The following CPM variants were observed in gnomAD, a reference collection of about 807,000 sequenced individuals.
The protein encoded by CPM is renal carboxypeptidase.
In CPM, 35 loss-of-function variants were observed where a neutral mutation model predicts 46.4. The observed-to-expected ratio is 0.75, with a 90% confidence interval of 0.58 to 1.00. The LOEUF is 1.00. Ranked by LOEUF, CPM falls within the 50% of genes least tolerant of loss-of-function variation. The pLI is 0.00. For missense variants in CPM, 422 were observed against 530.4 expected, an observed-to-expected ratio of 0.80 and a Z score of 2.01; for synonymous variants, 195 against 195.3, an observed-to-expected ratio of 1.00 and a Z score of 0.01.
At chr12:68,895,738 G>A (rs954960365) in intron 2 of CPM, among the ~76,000 whole-genome samples, 1 of 152,162 alleles carries the variant, frequency 6.6e-6, no homozygotes, top group Non-Finnish European at 1.5e-5. Context: ...CCAGCACTTT[G>A]GGAGGCCGAG....
chr12:68,935,622 G>C (rs1888661732), upstream of CPM, among the ~76,000 whole-genome samples: 1 of 151,098 alleles, frequency 6.6e-6, no homozygotes, highest in Non-Finnish European at 1.5e-5. Flanking sequence ...TGACATTGTA[G>C]AGTCTTTGAG....
chr12:68,909,374 A>AT (rs373555543), intron 2 of CPM, among the ~76,000 whole-genome samples: 2,492 of 150,668 alleles, frequency 0.017, 43 homozygotes, highest in African/African-American at 0.041. Flanking sequence ...TAAAATGGAG[A>AT]TTTTTTTTTT....
Position 68,925,727 on chromosome 12 carries a change from G to C in CPM, c.160+6951C>G, listed in dbSNP as rs117105516. ...TTAATTTTCTTTTTGGTGCTTTGTT[G>C]TATGATCCAAATTTTCTAAATGAAC... On this transcript the variant is annotated intron_variant, in intron 2 of 8. Transcript: ENST00000551568. Among the ~76,000 whole-genome samples the C allele has an allele frequency of 6.4e-3, 967 of 152,152 alleles. 11 individuals carry two copies. Among genetic ancestry groups the C allele is most frequent in the South Asian group, 0.037 (179 of 4,824 alleles).
chr12:68,877,656 TTTAA>T (rs1221812733), intron 3 of CPM, among the ~76,000 whole-genome samples: 4 of 152,162 alleles, frequency 2.6e-5, no homozygotes, highest in African/African-American at 7.2e-5. Flanking sequence ...AAAGAAAGAA[TTTAA>T]TTATTCAAAC....
intron 3 of CPM, among the ~76,000 whole-genome samples, chr12:68,876,625 CG>C (rs950666802): frequency 2.1e-4 from 32 of 152,236 alleles, no homozygotes; most frequent in African/African-American, 7.7e-4. Context: ...CATGAAGAAA[CG>C]GGGGCCTGAT....
At chr12:68,925,422 G>A (rs1888218907) in intron 2 of CPM, among the ~76,000 whole-genome samples, 1 of 152,190 alleles carries the variant, frequency 6.6e-6, no homozygotes, top group South Asian at 2.1e-4. Flanking sequence ...TCCAAAGCCT[G>A]TGCTCAGATT....
chr12:68,942,893 A>G (rs1353992782), intron 1 of CPM, among the ~76,000 whole-genome samples: 1 of 152,208 alleles, frequency 6.6e-6, no homozygotes, highest in African/African-American at 2.4e-5. Context: ...ACACTCCAGT[A>G]TGCCCTAACA....
chr12:68,871,950 C>G lies in CPM; in HGVS notation c.265G>C (p.Gly89Arg). 6.2e-7 allele frequency: 1 copy of G among 1,614,000 alleles called. No individual in the cohort carries two copies. The highest frequency in any genetic ancestry group is 1.1e-5 in the South Asian group (1 of 91,066). The change falls in exon 4 of 9, where the codon GGG (glycine) becomes CGG (arginine). Residue 89 changes from glycine to arginine, a missense_variant. Coordinates refer to ENST00000551568, the MANE Select transcript of CPM (RefSeq NM_198320.5). Reference protein sequence around the residue: ...VANMHGDETVGRELLLHLIDY... With the variant: ...VANMHGDETVRRELLLHLIDY... Reference sequence around the variant, plus strand: ...ATCAGATGGAGCAGCAGCTCCCGCCCAACAGTCTATATGTGTTAAAGAGAA... The same window carrying G: ...ATCAGATGGAGCAGCAGCTCCCGCCGAACAGTCTATATGTGTTAAAGAGAA...
chr12:68,902,027 C>T (rs1203668473), intron 2 of CPM, among the ~76,000 whole-genome samples: 1 of 152,144 alleles, frequency 6.6e-6, no homozygotes, highest in Non-Finnish European at 1.5e-5. Context: ...ACCTTTGTTG[C>T]TTTAAGAATC....
chr12:68,885,324 G>A (rs1202072392), intron 3 of CPM, among the ~76,000 whole-genome samples: 3 of 152,204 alleles, frequency 2.0e-5, no homozygotes, highest in African/African-American at 7.2e-5. Flanking sequence ...ATGAGTGTTA[G>A]ATTTAAGAGA....
intron 1 of CPM, among the ~76,000 whole-genome samples, chr12:68,942,138 G>GT (rs1888775328): frequency 6.6e-6 from 1 of 152,082 alleles, no homozygotes; most frequent in African/African-American, 2.4e-5. Context: ...AGTAGACTTT[G>GT]TTTTTTAGAA....
intron 2 of CPM, among the ~76,000 whole-genome samples, chr12:68,914,787 G>A (rs1274764248): frequency 6.6e-6 from 1 of 152,116 alleles, no homozygotes; most frequent in African/African-American, 2.4e-5. Context: ...CTAGAGACCA[G>A]GCTCTAGAGA....
At position 68,867,023 on chromosome 12, in the gene CPM, G is replaced by T; in HGVS notation, c.813C>A (p.Ile271=). The T allele has an allele frequency of 6.2e-7, 1 of 1,614,116 alleles. No individual in the cohort carries two copies. The highest frequency in any genetic ancestry group is 8.5e-7 in the Non-Finnish European group (1 of 1,180,020). ...ACGTAATTTCAAAACACTGGGCCCA[G>T]ATGTAGTTGTAATCTTGCATTCCAC... ...LQGGMQDYNY[I]WAQCFEITLE... Residue 271 remains isoleucine, a synonymous_variant, in exon 7 of 9, where the codon ATC becomes ATA. Coordinates refer to ENST00000551568, the MANE Select transcript of CPM (RefSeq NM_198320.5).
upstream of CPM, among the ~76,000 whole-genome samples, chr12:68,935,098 C>T (rs1420711524): frequency 2.6e-5 from 4 of 152,000 alleles, no homozygotes; most frequent in African/African-American, 7.2e-5. Context: ...TTAGTAGAGA[C>T]GGGGTTTCAC....
chr12:68,935,951 G>C (rs1238284183), upstream of CPM, among the ~76,000 whole-genome samples: 1 of 152,178 alleles, frequency 6.6e-6, no homozygotes, highest in Non-Finnish European at 1.5e-5. Flanking sequence ...TACTGGAATG[G>C]AGATTGCCAG....
intron 3 of CPM, among the ~76,000 whole-genome samples, chr12:68,876,081 C>T (rs1885939589): frequency 6.6e-6 from 1 of 151,926 alleles, no homozygotes; most frequent in African/African-American, 2.4e-5. Flanking sequence ...ATTTTTATTT[C>T]CTCTTATTCT....
intron 2 of CPM, among the ~76,000 whole-genome samples, chr12:68,916,672 C>T (rs1043022136): frequency 1.3e-5 from 2 of 152,018 alleles, no homozygotes; most frequent in Non-Finnish European, 2.9e-5. Context: ...AGGCAGATCA[C>T]AAGGTCAGGA....
chr12:68,856,133 A>G lies in CPM; in HGVS notation c.*304T>C, dbSNP rs775929736. 1 of 318,750 alleles carries G rather than the reference A, an allele frequency of 3.1e-6. No individual in the cohort carries two copies. The highest frequency in any genetic ancestry group is 5.8e-6 in the Non-Finnish European group (1 of 172,782). 19.7% of individuals were successfully genotyped at this position (318,750 alleles called of 1,614,324 possible). On this transcript the variant is annotated 3_prime_UTR_variant, in exon 9 of 9. Transcript: ENST00000551568. ...ACAAAATGATCTTCTTTTTGCAGGC[A>G]TTTTTTTGCTTCTCAAGTTTTAACT... is the stretch of plus-strand genomic sequence containing the variant.
Position 68,858,956 on chromosome 12 carries a change from A to G in CPM, c.1056T>C (p.Tyr352=). The G allele has an allele frequency of 1.3e-6, 2 of 1,544,626 alleles. No homozygotes were observed. Among genetic ancestry groups the G allele is most frequent in the Non-Finnish European group, 8.7e-7 (1 of 1,145,642 alleles). The change falls in exon 8 of 9, where the codon TAT becomes TAC. Residue 352 remains tyrosine, a synonymous_variant. Transcript: ENST00000551568. ...TATAAGACCCAGGCAAGAGAAGGAG[A>G]TAATACTCTCCATATTTGTTGGTTC... The part of the protein sequence containing the change: ...PYRTNKYGEY[Y]LLLLPGSYII...
Sources: gnomAD v4.1 joint callset for allele counts (sites outside exome capture counted in the v4.1 genomes callset) on GRCh38, gnomAD v4.1.1 for gene constraint, MANE v1.5 for transcripts, NCBI Gene and HGNC (gene_info 2026-07-23, HGNC 2026-07-21) for gene names.